FGFR2: variants seen among roughly 807,000 people sequenced by gnomAD.
FGFR2 encodes fibroblast growth factor receptor 2, also known as BEK fibroblast growth factor receptor.
A neutral mutation model predicts 95.9 loss-of-function variants in FGFR2; 19 were observed. The observed-to-expected ratio is 0.20, with a 90% CI of 0.14 to 0.29. FGFR2 has a LOEUF of 0.29. Ranked by LOEUF, FGFR2 falls within the 10% of genes least tolerant of loss-of-function variation. The pLI is 1.00. For missense variants in FGFR2, 707 were observed against 1,056.9 expected (o/e 0.67, Z 4.59); for synonymous variants, 392 against 393.3 (o/e 1.00, Z 0.04).
rs1219649 is a variant in FGFR2 at position 121,585,439 on chromosome 10, G to T, written c.109+8270C>A. On this transcript the variant is annotated intron_variant, in intron 2 of 17. Coordinates refer to ENST00000358487, the MANE Select transcript of FGFR2 (RefSeq NM_000141.5). ...AAATGTTGACAGGAAGTGGGACAGG[G>T]AAGAAATCAGCATTTAATGAACACC... Among the ~76,000 whole-genome samples, 1,330 of 152,320 alleles carry T rather than the reference G, an allele frequency of 8.7e-3. 19 individuals are homozygous for T. The highest frequency in any genetic ancestry group is 0.06 in the East Asian group (313 of 5,182).
Position 121,485,472 on chromosome 10 carries a change from C to A in FGFR2, c.2118G>T (p.Gly706=), listed in dbSNP as rs775097622. The change falls in exon 16 of 18, where the codon GGG becomes GGT. Residue 706 remains glycine (G), a synonymous_variant. Transcript: ENST00000358487. The surrounding 1 kb of genome is among the most constrained non-coding windows in gnomAD (Gnocchi z 4.2). ...GCTTAAAAAGTTCCTCCACGGGAAT[C>A]CCTGGGTAGGGCGAGCCCCCTAAAG... ...IFTLGGSPYP[G]IPVEELFKLL... 6.2e-7 allele frequency: 1 copy of A among 1,614,124 alleles called. No homozygotes were observed. Among genetic ancestry groups the A allele is most frequent in the South Asian group, 1.1e-5 (1 of 91,068 alleles).
intron 14 of FGFR2, 47 bp downstream of exon 14, chr10:121,487,944 G>A: frequency 6.2e-7 from 1 of 1,612,852 alleles, no homozygotes. Flanking sequence ...GGAACATTCT[G>A]AGCCTCACCC....
intron 13 of FGFR2, among the ~76,000 whole-genome samples, chr10:121,492,951 T>C (rs1046261393): frequency 1.3e-5 from 2 of 152,074 alleles, no homozygotes; most frequent in Non-Finnish European, 2.9e-5. Context: ...AGGGGCCTCA[T>C]GAGAGCAGGA....
chr10:121,571,191 T>G (rs12267302), intron 2 of FGFR2, among the ~76,000 whole-genome samples: 14,684 of 151,432 alleles, frequency 0.097, 972 homozygotes, highest in African/African-American at 0.19. Flanking sequence ...CGGGGTGGGT[T>G]TCACCATGTT....
intron 4 of FGFR2, among the ~76,000 whole-genome samples, chr10:121,556,396 A>ACTCTCTCTCTCTCTCT (rs35668561): frequency 3.4e-4 from 44 of 128,196 alleles, no homozygotes; most frequent in African/African-American, 1.5e-3. Context: ...TTTATAATCT[A>ACTCTCTCTCTCTCTCT]CTCTCTCTCT....
At chr10:121,540,663 G>A (rs1204032400) in intron 5 of FGFR2, among the ~76,000 whole-genome samples, 1 of 152,128 alleles carries the variant, frequency 6.6e-6, no homozygotes, top group Admixed American at 6.6e-5. Flanking sequence ...TTGCCTACGG[G>A]GAACCAGTCA....
At chr10:121,539,617 T>A (rs535569178) in intron 5 of FGFR2, among the ~76,000 whole-genome samples, 1 of 152,344 alleles carries the variant, frequency 6.6e-6, no homozygotes, top group East Asian at 1.9e-4. Context: ...AGTATTTCTA[T>A]CTGAATCCAA....
At chr10:121,573,416 C>T (rs1487307166) in intron 2 of FGFR2, among the ~76,000 whole-genome samples, 1 of 152,140 alleles carries the variant, frequency 6.6e-6, no homozygotes, top group East Asian at 1.9e-4. Context: ...CGTCCTGGAA[C>T]CCATCCCACT....
At chr10:121,553,576 C>G (rs1855698257) in intron 4 of FGFR2, among the ~76,000 whole-genome samples, 1 of 152,202 alleles carries the variant, frequency 6.6e-6, no homozygotes. Context: ...GTTTACAAAT[C>G]TAACCTAAAT....
intron 9 of FGFR2, among the ~76,000 whole-genome samples, chr10:121,507,154 C>T (rs1329121996): frequency 6.6e-6 from 1 of 152,212 alleles, no homozygotes; most frequent in East Asian, 1.9e-4. Context: ...ATTAGGCAGG[C>T]TGCATCCTGA....
chr10:121,550,142 T>A (rs1327543708), intron 5 of FGFR2, among the ~76,000 whole-genome samples: 1 of 152,228 alleles, frequency 6.6e-6, no homozygotes, highest in South Asian at 2.1e-4. Context: ...AACTCAGACC[T>A]GAATCCTTTC....
Position 121,496,555 on chromosome 10 carries a change from T to C in FGFR2, c.1840A>G (p.Met614Val), listed in dbSNP as rs751047267. The C allele has an allele frequency of 4.3e-6, 7 of 1,614,080 alleles. No homozygotes were observed. Among genetic ancestry groups the C allele is most frequent in the Non-Finnish European group, 5.9e-6 (7 of 1,180,050 alleles). The change falls in exon 13 of 18, where the codon ATG becomes GTG. Residue 614 changes from methionine to valine, a missense_variant. Met to Val is a conservative substitution (Grantham distance 21). Coordinates refer to ENST00000358487, the MANE Select transcript of FGFR2 (RefSeq NM_000141.5). ...VSCTYQLARGMEYLASQKCIH... is the reference protein window; with the variant it reads ...VSCTYQLARGVEYLASQKCIH... Reference sequence around the variant, plus strand: ...ACTTTTTGGGAAGCCAAGTACTCCATGCCTCTGGCCAGCTGGTAGGTGCAT... The same window carrying C: ...ACTTTTTGGGAAGCCAAGTACTCCACGCCTCTGGCCAGCTGGTAGGTGCAT...
intron 5 of FGFR2, among the ~76,000 whole-genome samples, chr10:121,547,270 C>T (rs1854653896): frequency 1.3e-5 from 2 of 152,060 alleles, no homozygotes; most frequent in Non-Finnish European, 2.9e-5. Flanking sequence ...GGACAGGAGT[C>T]AGGAATGAAT....
At chr10:121,512,633 G>T (rs1306458278) in intron 9 of FGFR2, among the ~76,000 whole-genome samples, 2 of 152,026 alleles carry the variant, frequency 1.3e-5, no homozygotes, top group Non-Finnish European at 2.9e-5. Context: ...GGGTTCAAAG[G>T]ATCCTCCCGC....
chr10:121,499,074 C>T (rs899293744), intron 11 of FGFR2, among the ~76,000 whole-genome samples: 3 of 152,152 alleles, frequency 2.0e-5, no homozygotes, highest in Non-Finnish European at 4.4e-5. Context: ...TCAGACGGTT[C>T]CCCATAAACA....
At chr10:121,557,083 A>T (rs1856264350) in intron 4 of FGFR2, among the ~76,000 whole-genome samples, 1 of 152,204 alleles carries the variant, frequency 6.6e-6, no homozygotes, top group Admixed American at 6.5e-5. Flanking sequence ...CCAGGCATTC[A>T]ATCAGAAATA....
At chr10:121,491,882 A>C (rs1486154435) in intron 13 of FGFR2, among the ~76,000 whole-genome samples, 1 of 151,054 alleles carries the variant, frequency 6.6e-6, no homozygotes, top group African/African-American at 2.4e-5. Context: ...CCAAAAAAAA[A>C]AAAAAACTGC....
intron 5 of FGFR2, among the ~76,000 whole-genome samples, chr10:121,550,897 C>T (rs1855295312): frequency 1.3e-5 from 2 of 151,998 alleles, no homozygotes; most frequent in South Asian, 4.1e-4. Context: ...CTTCTAATTC[C>T]TGCTAACTTT....
chr10:121,558,610 G>T (rs112890692), intron 4 of FGFR2, among the ~76,000 whole-genome samples: 7,238 of 139,242 alleles, frequency 0.052, 523 homozygotes, highest in African/African-American at 0.16. Flanking sequence ...ACAGTTTTTT[G>T]TTTTTTTTTT....
Sources: gnomAD v4.1 joint callset for allele counts (sites outside exome capture counted in the v4.1 genomes callset) on GRCh38, gnomAD v4.1.1 for gene constraint, Gnocchi (gnomAD v3.1) non-coding constraint, MANE v1.5 for transcripts, NCBI Gene and HGNC (gene_info 2026-07-23, HGNC 2026-07-21) for gene names.